The following AGBL1 variants were observed in gnomAD, a reference collection of about 807,000 sequenced individuals.
AGBL1 encodes cytosolic carboxypeptidase 4.
A neutral mutation model predicts 118.9 loss-of-function variants in AGBL1; 130 were observed. That is an observed-to-expected ratio of 1.09 (90% CI 0.95 to 1.26). The LOEUF (loss-of-function observed/expected upper bound fraction) is 1.26, where lower values mean the gene tolerates loss of function less well. Among genes scored for constraint, AGBL1 ranks in the 50% most tolerant of loss-of-function variants. The pLI, the probability that AGBL1 is intolerant of heterozygous loss-of-function variation, is 0.00. For synonymous variants in AGBL1, 555 were observed against 478.9 expected, an observed-to-expected ratio of 1.16 and a Z score of -2.08; for missense variants, 1,584 against 1,298.1, an observed-to-expected ratio of 1.22 and a Z score of -3.38.
chr15:86,821,357 G>A (rs1026334516), intron 22 of AGBL1, among the ~76,000 whole-genome samples: 6 of 151,960 alleles, frequency 3.9e-5, no homozygotes, highest in African/African-American at 1.2e-4. Context: ...CAACAAAAAA[G>A]CATGTTAAAT....
intron 22 of AGBL1, among the ~76,000 whole-genome samples, chr15:86,867,810 G>C (rs889215073): frequency 2.0e-5 from 3 of 152,182 alleles, no homozygotes; most frequent in Non-Finnish European, 1.5e-5. Context: ...GAAATGGATA[G>C]GATTGACTTT....
chr15:86,478,752 C>G (rs1365943138), intron 18 of AGBL1, among the ~76,000 whole-genome samples: 1 of 152,024 alleles, frequency 6.6e-6, no homozygotes, highest in Non-Finnish European at 1.5e-5. Flanking sequence ...CATATGGAAC[C>G]AAAAAAGAAC....
downstream of AGBL1, among the ~76,000 whole-genome samples, chr15:87,030,581 T>A (rs2081774327): frequency 6.6e-6 from 1 of 151,846 alleles, no homozygotes; most frequent in Non-Finnish European, 1.5e-5. Context: ...AAGGAAAGAG[T>A]AGAGAAAATG....
intron 17 of AGBL1, among the ~76,000 whole-genome samples, chr15:86,360,623 T>C (rs769436757): frequency 2.0e-5 from 3 of 152,060 alleles, no homozygotes; most frequent in Non-Finnish European, 2.9e-5. Context: ...GTTTTAATTC[T>C]TCTTTGAATG....
intron 24 of AGBL1, among the ~76,000 whole-genome samples, chr15:87,006,714 A>C (rs1035981542): frequency 3.9e-5 from 6 of 152,092 alleles, no homozygotes; most frequent in African/African-American, 1.4e-4. Context: ...AGCCCCAGTG[A>C]GATGAACCCA....
intron 1 of AGBL1, among the ~76,000 whole-genome samples, chr15:86,115,350 A>G (rs1348484484): frequency 2.6e-5 from 4 of 152,226 alleles, no homozygotes; most frequent in African/African-American, 7.2e-5. Context: ...GTGCTAGAGT[A>G]TAAACATAGC....
intron 17 of AGBL1, chr15:86,297,189 T>C (rs1348923369): frequency 1.3e-5 from 2 of 152,178 alleles, no homozygotes; most frequent in Non-Finnish European, 2.9e-5. Context: ...GTGTACACTC[T>C]TATGATCATA....
chr15:86,803,182 C>T (rs928140323), intron 22 of AGBL1, among the ~76,000 whole-genome samples: 1 of 152,066 alleles, frequency 6.6e-6, no homozygotes, highest in Non-Finnish European at 1.5e-5. Flanking sequence ...GAATTCTAAT[C>T]CTCATGTGTC....
chr15:86,777,834 TAGTA>T (rs1447639395), intron 22 of AGBL1, among the ~76,000 whole-genome samples: 1 of 152,170 alleles, frequency 6.6e-6, no homozygotes, highest in Non-Finnish European at 1.5e-5. Context: ...CAAATCATAA[TAGTA>T]AGTCTTGATT....
intron 21 of AGBL1, among the ~76,000 whole-genome samples, chr15:86,561,275 G>T (rs140053743): frequency 0.044 from 6,635 of 152,244 alleles, 494 homozygotes; most frequent in African/African-American, 0.15. Context: ...TTCTTCTAGG[G>T]TTTTTATGGC....
chr15:86,104,942 G>C (rs1337040910), intron 1 of AGBL1: 1 of 152,112 alleles, frequency 6.6e-6, no homozygotes, highest in African/African-American at 2.4e-5. Flanking sequence ...TGAGAATGTG[G>C]ACCACTGGGA....
At chr15:86,471,475 T>A (rs1383040300) in intron 18 of AGBL1, among the ~76,000 whole-genome samples, 1 of 150,654 alleles carries the variant, frequency 6.6e-6, no homozygotes, top group Non-Finnish European at 1.5e-5. Flanking sequence ...TTTGTATCTG[T>A]TAATCAAGGA....
chr15:86,527,435 G>T (rs1335892831), intron 19 of AGBL1, among the ~76,000 whole-genome samples: 1 of 152,184 alleles, frequency 6.6e-6, no homozygotes, highest in Non-Finnish European at 1.5e-5. Context: ...TCTGAGAGGT[G>T]GGTGAGAAAC....
intron 17 of AGBL1, among the ~76,000 whole-genome samples, chr15:86,347,143 T>A (rs10520622): frequency 0.029 from 4,424 of 152,324 alleles, 121 homozygotes; most frequent in Admixed American, 0.092. Context: ...CTTGCTTTCA[T>A]CTAGGCAAAG....
chr15:86,493,068 C>A (rs934609908), intron 18 of AGBL1, among the ~76,000 whole-genome samples: 3 of 152,074 alleles, frequency 2.0e-5, no homozygotes, highest in Non-Finnish European at 2.9e-5. Flanking sequence ...GTGGTGCACA[C>A]CTGTAGTCCC....
intron 22 of AGBL1, among the ~76,000 whole-genome samples, chr15:86,876,455 G>A (rs187876602): frequency 1.1e-4 from 16 of 152,250 alleles, no homozygotes; most frequent in Non-Finnish European, 1.5e-4. Flanking sequence ...AGATGCTGCT[G>A]ATAAAAGAAA....
intron 22 of AGBL1, among the ~76,000 whole-genome samples, chr15:86,693,456 T>C (rs1329590501): frequency 1.3e-5 from 2 of 152,092 alleles, no homozygotes; most frequent in African/African-American, 4.8e-5. Context: ...GATTGTTAAT[T>C]TTTTTCTTGC....
Position 86,768,647 on chromosome 15 carries a change from G to C in AGBL1, c.3158+94211G>C, listed in dbSNP as rs912993725. Among the ~76,000 whole-genome samples, 9 of 151,798 alleles carry C rather than the reference G, an allele frequency of 5.9e-5. 1 individual carries two copies. Among genetic ancestry groups the C allele is most frequent in the Middle Eastern group, 6.3e-3 (2 of 316 alleles). On this transcript the variant is annotated intron_variant, in intron 22 of 22. Transcript: ENST00000614907. ...ACAACCTAGTGATCAACTGGCTCTT[G>C]GCCCACATCAAGTCACTATCTACCA...
chr15:86,127,859 G>A (rs2076767408), intron 1 of AGBL1, among the ~76,000 whole-genome samples: 1 of 152,144 alleles, frequency 6.6e-6, no homozygotes, highest in African/African-American at 2.4e-5. Flanking sequence ...TGATCTTGGA[G>A]GGTACATGAG....
Sources: gnomAD v4.1 joint callset for allele counts (sites outside exome capture counted in the v4.1 genomes callset) on GRCh38, gnomAD v4.1.1 for gene constraint, MANE v1.5 for transcripts, NCBI Gene and HGNC (gene_info 2026-07-23, HGNC 2026-07-21) for gene names.